The following IL1RAPL2 variants were observed in gnomAD, a reference collection of about 807,000 sequenced individuals.
IL1RAPL2 encodes the protein X-linked interleukin-1 receptor accessory protein-like 2.
A neutral mutation model predicts 44.1 loss-of-function variants in IL1RAPL2; 3 were observed. That is an observed-to-expected ratio of 0.07 (90% CI 0.03 to 0.18). The LOEUF (loss-of-function observed/expected upper bound fraction) is 0.18, where lower values mean the gene tolerates loss of function less well. IL1RAPL2 is among the 10% of genes least tolerant of loss of function. IL1RAPL2 has a pLI of 1.00. For missense variants in IL1RAPL2, 391 were observed against 496.4 expected (o/e 0.79, Z 2.02); for synonymous variants, 181 against 178.8 (o/e 1.01, Z -0.10).
chrX:105,683,982 A>T (rs1480727227), intron 6 of IL1RAPL2, among the ~76,000 whole-genome samples: 1 of 112,642 alleles, frequency 8.9e-6, no homozygotes, highest in Non-Finnish European at 1.9e-5. Flanking sequence ...ATATTTTGGC[A>T]TTCTATCCTA....
chrX:105,084,259 C>G (rs2032451081), intron 2 of IL1RAPL2, among the ~76,000 whole-genome samples: 1 of 112,451 alleles, frequency 8.9e-6, no homozygotes, highest in Non-Finnish European at 1.9e-5. Flanking sequence ...CCTCCAAACC[C>G]CAGAATGATA....
chrX:105,447,694 A>T (rs1296130155), intron 5 of IL1RAPL2, among the ~76,000 whole-genome samples: 5 of 83,657 alleles, frequency 6.0e-5, no homozygotes, highest in Non-Finnish European at 8.4e-5. Context: ...AAAAATATAA[A>T]TATATATAAA....
At chrX:105,392,742 T>C (rs962661492) in intron 5 of IL1RAPL2, among the ~76,000 whole-genome samples, 8 of 112,127 alleles carry the variant, frequency 7.1e-5, no homozygotes, top group Non-Finnish European at 1.1e-4. Context: ...GGTATGGAGA[T>C]ATATGTATAA....
intron 2 of IL1RAPL2, among the ~76,000 whole-genome samples, chrX:104,781,034 A>T (rs1348830342): frequency 5.5e-5 from 6 of 108,734 alleles, no homozygotes; most frequent in Non-Finnish European, 7.6e-5. Flanking sequence ...ATAGTAGGAA[A>T]CCTCAAAGCA....
intron 5 of IL1RAPL2, among the ~76,000 whole-genome samples, chrX:105,268,964 A>ATG (rs1289861190): frequency 1.8e-5 from 2 of 110,217 alleles, no homozygotes; most frequent in Non-Finnish European, 3.8e-5. Context: ...TTAAAAAAGT[A>ATG]TGTGTGTGTG....
chrX:105,702,317 A>G (rs189104592), intron 6 of IL1RAPL2, among the ~76,000 whole-genome samples: 4 of 111,358 alleles, frequency 3.6e-5, no homozygotes, highest in Non-Finnish European at 5.7e-5. Flanking sequence ...TTACCACCAT[A>G]CTGGGTAGAT....
intron 1 of IL1RAPL2, among the ~76,000 whole-genome samples, chrX:104,615,447 C>G (rs984175504): frequency 1.3e-4 from 12 of 93,928 alleles, no homozygotes; most frequent in African/African-American, 4.0e-4. Context: ...TCTCATTGTT[C>G]AGCTCCCACT....
intron 2 of IL1RAPL2, among the ~76,000 whole-genome samples, chrX:105,181,276 C>T (rs1348047824): frequency 8.9e-6 from 1 of 111,849 alleles, no homozygotes; most frequent in African/African-American, 3.2e-5. Flanking sequence ...TCCAACTTTT[C>T]ATTTTGTTGA....
intron 5 of IL1RAPL2, among the ~76,000 whole-genome samples, chrX:105,293,569 A>T (rs1386006566): frequency 8.9e-6 from 1 of 112,245 alleles, no homozygotes; most frequent in Admixed American, 9.5e-5. Flanking sequence ...GCATATAGGG[A>T]AAAAATTATA....
At chrX:105,543,495 A>G (rs1054802363) in intron 6 of IL1RAPL2, among the ~76,000 whole-genome samples, 5 of 111,687 alleles carry the variant, frequency 4.5e-5, no homozygotes, top group East Asian at 2.8e-4. Context: ...AGATACAATG[A>G]GGTCCTTTAC....
chrX:104,855,682 T>TG lies in IL1RAPL2; in HGVS notation c.82+196687_82+196688insG, dbSNP rs1556002121. On this transcript the variant is annotated intron_variant, in intron 2 of 10. Coordinates refer to ENST00000372582, the MANE Select transcript of IL1RAPL2 (RefSeq NM_017416.2). ...TAACTGTGCTAAGGATCTGGATCCG[T>TG]TTTTTTTTTTTTTTTTACTGTATCT... 2.4e-3 allele frequency among the ~76,000 whole-genome samples: 179 copies of TG among 74,805 alleles called. 11 individuals are homozygous for TG. Among genetic ancestry groups the TG allele is most frequent in the East Asian group, 5.5e-3 (12 of 2,167 alleles). The allele number at this position is 74,805 out of a possible 115,157, so 65.0% of individuals were successfully genotyped here.
chrX:105,740,753 G>A (rs970914657), intron 8 of IL1RAPL2, 62 bp downstream of exon 8: 2 of 1,034,701 alleles, frequency 1.9e-6, no homozygotes, highest in South Asian at 4.5e-5. Context: ...TGAAGTTAGA[G>A]ATATTTCCTG....
At chrX:105,667,961 G>C (rs1447245512) in intron 6 of IL1RAPL2, among the ~76,000 whole-genome samples, 4 of 107,798 alleles carry the variant, frequency 3.7e-5, no homozygotes, top group African/African-American at 1.4e-4. Context: ...CATATATGGT[G>C]ATTTAACACA....
intron 1 of IL1RAPL2, among the ~76,000 whole-genome samples, chrX:104,625,776 C>A (rs1265880264): frequency 9.0e-6 from 1 of 111,497 alleles, no homozygotes; most frequent in Non-Finnish European, 1.9e-5. Flanking sequence ...GGCTAGATTG[C>A]AGTTGGTGTT....
chrX:105,402,723 T>C (rs1042709632), intron 5 of IL1RAPL2, among the ~76,000 whole-genome samples: 12 of 111,592 alleles, frequency 1.1e-4, no homozygotes, highest in African/African-American at 3.9e-4. Flanking sequence ...AAAAATATTT[T>C]ATGCTAACAG....
At chrX:105,026,062 G>A (rs762069322) in intron 2 of IL1RAPL2, among the ~76,000 whole-genome samples, 1 of 110,595 alleles carries the variant, frequency 9.0e-6, no homozygotes, top group African/African-American at 3.3e-5. Context: ...GCATTGATGG[G>A]GGAATGGGCT....
chrX:104,763,137 T>C (rs1252613724), intron 2 of IL1RAPL2, among the ~76,000 whole-genome samples: 1 of 111,845 alleles, frequency 8.9e-6, no homozygotes, highest in Non-Finnish European at 1.9e-5. Flanking sequence ...TTCCACCAGA[T>C]ACCCTAAATC....
chrX:105,077,577 T>C (rs920536106), intron 2 of IL1RAPL2, among the ~76,000 whole-genome samples: 2 of 111,510 alleles, frequency 1.8e-5, no homozygotes, highest in African/African-American at 3.3e-5. Context: ...TTTCCTGAAT[T>C]TGAATGTTGG....
chrX:105,162,776 T>G (rs2024646187), intron 2 of IL1RAPL2, among the ~76,000 whole-genome samples: 1 of 111,242 alleles, frequency 9.0e-6, no homozygotes, highest in African/African-American at 3.3e-5. Context: ...TTCTCATAGT[T>G]CTAGAGGCTG....
Sources: allele counts gnomAD v4.1 joint callset (sites outside exome capture counted in the v4.1 genomes callset), GRCh38; gene constraint gnomAD v4.1.1; transcripts MANE v1.5; gene names NCBI Gene and HGNC (gene_info 2026-07-23, HGNC 2026-07-21).